The following ENTREP2 variants were observed in gnomAD, a reference collection of about 807,000 sequenced individuals.
The protein encoded by ENTREP2 is endosomal transmembrane epsin interactor 2, also known as protein ENTREP2.
the ENTREP2 span, among the ~76,000 whole-genome samples, chr15:29,657,114 C>G: frequency 5.9e-5 from 9 of 152,246 alleles, no homozygotes; most frequent in Middle Eastern, 3.4e-3. Flanking sequence ...GTGGCGCGGT[C>G]TTGGCTCACT....
the ENTREP2 span, among the ~76,000 whole-genome samples, chr15:29,464,421 A>G: frequency 2.0e-5 from 3 of 152,246 alleles, no homozygotes; most frequent in Admixed American, 2.0e-4. Context: ...CAGATTTTTA[A>G]GCATTAATTT....
the ENTREP2 span, among the ~76,000 whole-genome samples, chr15:29,667,223 C>G: frequency 6.6e-6 from 1 of 151,334 alleles, no homozygotes; most frequent in Non-Finnish European, 1.5e-5. Context: ...AGTCTCACTC[C>G]GTCTCCCAGG....
At chr15:29,269,770 C>G in the ENTREP2 span, 20 of 1,379,746 alleles carry the variant, frequency 1.4e-5, no homozygotes, top group Non-Finnish European at 1.9e-5. Context: ...GATTGCGGGT[C>G]GGCGACCCGC....
At chr15:29,646,726 G>C in the ENTREP2 span, among the ~76,000 whole-genome samples, 2 of 152,134 alleles carry the variant, frequency 1.3e-5, no homozygotes, top group Admixed American at 6.5e-5. Flanking sequence ...ATGAACATTT[G>C]ATGGAATAAC....
chr15:29,504,891 T>C, the ENTREP2 span, among the ~76,000 whole-genome samples: 11 of 152,256 alleles, frequency 7.2e-5, no homozygotes, highest in South Asian at 2.1e-4. Context: ...TTAGAAAGCC[T>C]TGAAAACATA....
At chr15:29,128,169 G>A in the ENTREP2 span, among the ~76,000 whole-genome samples, 1 of 152,290 alleles carries the variant, frequency 6.6e-6, no homozygotes, top group African/African-American at 2.4e-5. Context: ...CCTCGCAGGG[G>A]CCTCAAGACG....
chr15:29,198,734 C>T, the ENTREP2 span, among the ~76,000 whole-genome samples: 4 of 152,216 alleles, frequency 2.6e-5, no homozygotes, highest in African/African-American at 9.7e-5. Context: ...CTCCCACTTG[C>T]TGCACCAAAA....
chr15:29,294,079 T>A, the ENTREP2 span, among the ~76,000 whole-genome samples: 1 of 152,152 alleles, frequency 6.6e-6, no homozygotes, highest in African/African-American at 2.4e-5. Flanking sequence ...CCACTAGGTC[T>A]GGTGCTCAGA....
chr15:29,479,543 G>C, the ENTREP2 span, among the ~76,000 whole-genome samples: 1 of 151,976 alleles, frequency 6.6e-6, no homozygotes, highest in African/African-American at 2.4e-5. Flanking sequence ...CTATGGGAAG[G>C]AGTACCTGCT....
chr15:29,601,417 GT>G, the ENTREP2 span, among the ~76,000 whole-genome samples: 2 of 147,392 alleles, frequency 1.4e-5, no homozygotes, highest in South Asian at 4.2e-4. Flanking sequence ...AACTTAAAGT[GT>G]TTCCCCACCA....
At chr15:29,288,349 T>C in the ENTREP2 span, among the ~76,000 whole-genome samples, 1 of 152,190 alleles carries the variant, frequency 6.6e-6, no homozygotes, top group Non-Finnish European at 1.5e-5. Context: ...TGGTCTCGTT[T>C]GACTGTAACG....
At chr15:29,674,105 G>A in the ENTREP2 span, among the ~76,000 whole-genome samples, 1 of 112,642 alleles carries the variant, frequency 8.9e-6, no homozygotes, top group African/African-American at 3.2e-5. Flanking sequence ...GTGGGACTCA[G>A]CCCTTCCCCA....
chr15:29,308,872 C>T, the ENTREP2 span, among the ~76,000 whole-genome samples: 1 of 152,148 alleles, frequency 6.6e-6, no homozygotes, highest in Non-Finnish European at 1.5e-5. Context: ...CCTCCCTCAC[C>T]AGGAGAATGA....
the ENTREP2 span, among the ~76,000 whole-genome samples, chr15:29,667,527 T>C: frequency 6.9e-6 from 1 of 145,574 alleles, no homozygotes; most frequent in Non-Finnish European, 1.5e-5. Context: ...GTTTCGTTCT[T>C]GTCACCTAGG....
At chr15:29,206,100 A>G in the ENTREP2 span, among the ~76,000 whole-genome samples, 2 of 152,210 alleles carry the variant, frequency 1.3e-5, no homozygotes, top group East Asian at 3.8e-4. Flanking sequence ...CAAATACCAC[A>G]GACGGGGTGG....
the ENTREP2 span, among the ~76,000 whole-genome samples, chr15:29,462,679 T>C: frequency 6.6e-6 from 1 of 152,104 alleles, no homozygotes; most frequent in Non-Finnish European, 1.5e-5. Context: ...AAGTGTCTGG[T>C]GTACTCTGCA....
At chr15:29,355,725 T>G in the ENTREP2 span, among the ~76,000 whole-genome samples, 134 of 152,284 alleles carry the variant, frequency 8.8e-4, no homozygotes, top group Admixed American at 4.1e-3. Flanking sequence ...AAGTAACAGA[T>G]GGCTACTTTC....
At chr15:29,662,779 G>A in the ENTREP2 span, among the ~76,000 whole-genome samples, 1 of 151,964 alleles carries the variant, frequency 6.6e-6, no homozygotes, top group African/African-American at 2.4e-5. Flanking sequence ...GGAGTGCAAT[G>A]GCGCAATCTC....
At chr15:29,574,186 A>G in the ENTREP2 span, among the ~76,000 whole-genome samples, 169 of 152,256 alleles carry the variant, frequency 1.1e-3, no homozygotes, top group Non-Finnish European at 2.1e-3. Flanking sequence ...TACATGTCCT[A>G]GTGTTACAGA....
Sources: gnomAD v4.1 joint callset for allele counts (sites outside exome capture counted in the v4.1 genomes callset) on GRCh38, gnomAD v4.1.1 for gene constraint, MANE v1.5 for transcripts, NCBI Gene and HGNC (gene_info 2026-07-23, HGNC 2026-07-21) for gene names.